The following RECQL5 variants were observed in gnomAD, a reference collection of about 807,000 sequenced individuals.
The protein encoded by RECQL5 is ATP-dependent DNA helicase Q5.
RECQL5 carries 88 observed loss-of-function variants against 103.4 expected under a neutral mutation model. The ratio of observed to expected loss-of-function variants is 0.85; its 90% CI spans 0.72 to 1.02. The LOEUF (loss-of-function observed/expected upper bound fraction) is 1.02, where lower values mean the gene tolerates loss of function less well. Ranked by LOEUF, RECQL5 falls within the 50% of genes least tolerant of loss-of-function variation. The probability of loss-of-function intolerance (pLI) is 0.00; values close to 1 mark genes in which losing one functional copy is unlikely to be tolerated. For synonymous variants in RECQL5, 552 were observed against 507.9 expected (o/e 1.09, Z -1.17); for missense variants, 1,232 against 1,284.3 (o/e 0.96, Z 0.62).
At chr17:75,649,529 C>G (rs1440027229) in intron 8 of RECQL5, 3 of 622,090 alleles carry the variant, frequency 4.8e-6, no homozygotes, top group Non-Finnish European at 6.0e-6. Context: ...CCCACTAGCT[C>G]TGTCCCTCAC....
chr17:75,647,685 C>A, intron 8 of RECQL5: 1 of 968,660 alleles, frequency 1.0e-6, no homozygotes, highest in Non-Finnish European at 1.5e-6. Flanking sequence ...GTCTTCCTTT[C>A]CCATCAGGAA....
intron 7 of RECQL5, 62 bp downstream of exon 7, chr17:75,658,236 A>C (rs2059653068): frequency 6.5e-7 from 1 of 1,544,340 alleles, no homozygotes; most frequent in Admixed American, 1.8e-5. Context: ...TTCAGAAATC[A>C]GCTTCACAAA....
At chr17:75,634,863 A>T (rs1432980625) in intron 8 of RECQL5, among the ~76,000 whole-genome samples, 3 of 152,218 alleles carry the variant, frequency 2.0e-5, no homozygotes, top group African/African-American at 7.2e-5. Flanking sequence ...AGAAGGTCAC[A>T]GAAGTGAGGC....
In RECQL5 at chr17:75,630,764, C is replaced by G. The variant is rs373022158; in HGVS notation, c.1644+15G>C. The G allele has an allele frequency of 2.3e-5, 37 of 1,574,726 alleles. No individual in the cohort carries two copies. The African/African-American group carries it at 5.1e-4, about 22-fold the overall frequency. On this transcript the variant is annotated intron_variant, in intron 12 of 19. Coordinates refer to ENST00000317905, the MANE Select transcript of RECQL5 (RefSeq NM_004259.7). ...AGGGCCCCGGCGGGTGGCTGAGGAG[C>G]TGCCCGTCTCTTACCTTCACAGTCA... is the stretch of plus-strand genomic sequence containing the variant.
chr17:75,662,570 T>C lies in RECQL5; in HGVS notation c.680A>G (p.Tyr227Cys), dbSNP rs1367472934. The C allele has an allele frequency of 6.2e-7, 1 of 1,614,132 alleles. No individual in the cohort carries two copies. The highest frequency in any genetic ancestry group is 8.5e-7 in the Non-Finnish European group (1 of 1,180,022). ...KTPCFRANLF[Y>C]DVQFKELISD... ...AATCAGTTCCTTGAATTGCACATCA[T>C]AGAAGAGGTTGGCCCGGAAGCAGGG... The change falls in exon 4 of 20, where the codon TAT becomes TGT. Residue 227 changes from tyrosine to cysteine, a missense_variant. By Grantham distance (194) the Tyr-to-Cys change is radical. Transcript: ENST00000317905.
chr17:75,656,250 AT>A (rs1333171015), intron 7 of RECQL5, among the ~76,000 whole-genome samples: 1 of 151,356 alleles, frequency 6.6e-6, no homozygotes, highest in Non-Finnish European at 1.5e-5. Flanking sequence ...CTAATTTTGC[AT>A]TTTTTTAGTA....
At chr17:75,647,660 G>A in intron 8 of RECQL5, 2 of 1,212,590 alleles carry the variant, frequency 1.6e-6, no homozygotes, top group Non-Finnish European at 2.3e-6. Context: ...TCTGGCTCAG[G>A]GGCCAAGCCC....
rs1214248934 is a variant in RECQL5 at position 75,629,736 on chromosome 17, T to G, written c.1919A>C (p.Asp640Ala). Residue 640 changes from aspartate (D) to alanine (A), a missense_variant, in exon 15 of 20, where the codon GAC becomes GCC. Coordinates refer to ENST00000317905, the MANE Select transcript of RECQL5 (RefSeq NM_004259.7). ...QAEPPEPNEYDIPPASHVYSL... is the reference protein window; with the variant it reads ...QAEPPEPNEYAIPPASHVYSL... Reference sequence around the variant, plus strand: ...GTACACATGGGAGGCTGGTGGAATGTCATACTCATTGGGCTCCGGGGGCTC... The same window carrying G: ...GTACACATGGGAGGCTGGTGGAATGGCATACTCATTGGGCTCCGGGGGCTC... The G allele has an allele frequency of 3.1e-6, 5 of 1,613,192 alleles. No individual in the cohort carries two copies. The highest frequency in any genetic ancestry group is 1.7e-5 in the Admixed American group (1 of 59,958).
At chr17:75,651,305 T>C (rs1309973088) in intron 7 of RECQL5, 40 bp from the exon 8 acceptor site, 4 of 1,612,172 alleles carry the variant, frequency 2.5e-6, no homozygotes, top group East Asian at 2.2e-5. Flanking sequence ...TCTTATAGAA[T>C]TGGACTACCT....
intron 7 of RECQL5, chr17:75,652,429 T>C (rs1032283331): frequency 2.0e-5 from 3 of 152,206 alleles, no homozygotes; most frequent in African/African-American, 7.2e-5. Context: ...AGTCTCTACT[T>C]ACCAGGGAGG....
chr17:75,648,434 C>T (rs999594165), intron 8 of RECQL5, among the ~76,000 whole-genome samples: 7 of 152,134 alleles, frequency 4.6e-5, no homozygotes, highest in African/African-American at 1.4e-4. Flanking sequence ...AGTGCGGTGG[C>T]GCTATCTGGG....
intron 2 of RECQL5, 45 bp downstream of exon 2, chr17:75,666,383 G>A (rs1042946328): frequency 6.2e-7 from 1 of 1,610,798 alleles, no homozygotes; most frequent in Non-Finnish European, 8.5e-7. Context: ...CAGCGTTATG[G>A]TATAGCCAGC....
chr17:75,628,332 G>A lies in RECQL5; in HGVS notation c.2691C>T (p.Pro897=). Residue 897 remains proline (P), a synonymous_variant, in exon 18 of 20, where the codon CCC becomes CCT. Coordinates refer to ENST00000317905, the MANE Select transcript of RECQL5 (RefSeq NM_004259.7). ...AGAGCTGGAAGGGGTCTTGAGCCGT[G>A]GGATTCAAGGTGCCCTGTTCGCTGG... The part of the protein sequence containing the change: ...VSASEQGTLN[P]TAQDPFQLSA... 6.2e-7 allele frequency: 1 copy of A among 1,614,032 alleles called. No individual in the cohort carries two copies. The highest frequency in any genetic ancestry group is 2.2e-5 in the East Asian group (1 of 44,904).
At chr17:75,628,799 C>G in intron 16 of RECQL5, 37 bp from the exon 17 acceptor site, 1 of 1,604,898 alleles carries the variant, frequency 6.2e-7, no homozygotes, top group African/African-American at 1.3e-5. Context: ...AGCACTGGGT[C>G]CTGGTGGCTC....
intron 6 of RECQL5, among the ~76,000 whole-genome samples, chr17:75,659,946 T>C (rs2059677564): frequency 6.6e-6 from 1 of 152,232 alleles, no homozygotes; most frequent in African/African-American, 2.4e-5. Context: ...AGACTATTAG[T>C]AAGCAATAAA....
chr17:75,648,332 A>G (rs2059512788), intron 8 of RECQL5, among the ~76,000 whole-genome samples: 1 of 151,356 alleles, frequency 6.6e-6, no homozygotes, highest in Admixed American at 6.6e-5. Context: ...CTTGTTTTAT[A>G]CTCTCGAAAC....
chr17:75,648,249 C>T (rs2059511940), intron 8 of RECQL5, among the ~76,000 whole-genome samples: 1 of 152,174 alleles, frequency 6.6e-6, no homozygotes, highest in South Asian at 2.1e-4. Flanking sequence ...CCTTCCTCAT[C>T]CTTTGTATCT....
Position 75,661,680 on chromosome 17 carries a change from C to T in RECQL5, c.800G>A (p.Arg267Lys), listed in dbSNP as rs1365649983. 1 of 1,614,126 alleles carries T rather than the reference C, an allele frequency of 6.2e-7. No homozygotes were observed. The highest frequency in any genetic ancestry group is 1.7e-5 in the Admixed American group (1 of 60,018). The change falls in exon 5 of 20, where the codon AGG (arginine) becomes AAG (lysine). Residue 267 changes from arginine (R) to lysine (K), a missense_variant. Physicochemically the swap from Arg to Lys is conservative, Grantham distance 26 (BLOSUM62 2). Transcript: ENST00000317905. Reference protein sequence around the residue: ...GLSGCGIVYCRTREACEQLAI... With the variant: ...GLSGCGIVYCKTREACEQLAI... ...CAGCTGTTCACAAGCCTCTCTAGTC[C>T]TGCAGTACACAATGCCGCAGCCAGA...
intron 7 of RECQL5, among the ~76,000 whole-genome samples, chr17:75,657,319 A>T (rs2059636788): frequency 6.6e-6 from 1 of 151,936 alleles, no homozygotes; most frequent in African/African-American, 2.4e-5. Context: ...CAGGAGTTCG[A>T]GGGTATACTG....
Sources: allele counts gnomAD v4.1 joint callset (sites outside exome capture counted in the v4.1 genomes callset), GRCh38; gene constraint gnomAD v4.1.1; transcripts MANE v1.5; gene names NCBI Gene and HGNC (gene_info 2026-07-23, HGNC 2026-07-21).